The following SPIRE2 variants were observed in gnomAD, a reference collection of about 807,000 sequenced individuals.
The protein encoded by SPIRE2 is spire type actin nucleation factor 2, also known as protein spire homolog 2.
Under a neutral mutation model 80.7 loss-of-function variants are expected in SPIRE2, and 76 were observed. That is an observed-to-expected ratio of 0.94 (90% CI 0.78 to 1.14). SPIRE2 has a LOEUF of 1.14. Among genes scored for constraint, SPIRE2 ranks in the 50% most tolerant of loss-of-function variants. SPIRE2 has a pLI of 0.00. For missense variants in SPIRE2, 1,196 were observed against 1,015.3 expected (o/e 1.18, Z -2.42); for synonymous variants, 535 against 432.6 (o/e 1.24, Z -2.94).
chr16:89,849,180 T>A (rs146828339), intron 2 of SPIRE2, among the ~76,000 whole-genome samples: 336 of 152,328 alleles, frequency 2.2e-3, no homozygotes, highest in African/African-American at 7.4e-3. Context: ...GCAGGGCCAC[T>A]GAGGCAAAGC....
At chr16:89,859,842 G>C (rs2041727024) in intron 9 of SPIRE2, among the ~76,000 whole-genome samples, 1 of 152,126 alleles carries the variant, frequency 6.6e-6, no homozygotes, top group South Asian at 2.1e-4. Flanking sequence ...ACTTTACGGA[G>C]AGCCCTCGCG....
intron 9 of SPIRE2, among the ~76,000 whole-genome samples, chr16:89,860,144 G>C (rs2041729751): frequency 6.6e-6 from 1 of 152,320 alleles, no homozygotes; most frequent in Non-Finnish European, 1.5e-5. Context: ...GCTGCTGTGG[G>C]ACTGCCCATG....
At chr16:89,840,900 G>A (rs1003891400) in intron 1 of SPIRE2, among the ~76,000 whole-genome samples, 8 of 151,974 alleles carry the variant, frequency 5.3e-5, no homozygotes, top group Non-Finnish European at 1.0e-4. Context: ...GCCTCCCAAA[G>A]TGCTGGGATT....
rs1004591100 is a variant in SPIRE2, at chr16:89,828,591, C to CAGGGCGGCCGG, written c.44_54dup (p.Pro19GlyfsTer14). On this transcript the variant is annotated frameshift_variant, in exon 1 of 15. Transcript: ENST00000378247. LOFTEE classifies it high-confidence loss of function. The surrounding 1 kb of genome is among the most constrained non-coding windows in gnomAD (Gnocchi z 5.9). ...AGCTGCGGCGGCGCCGCGGCGGGCG[C>CAGGGCGGCCGG]AGGGCGGCCGGAGCCCTGGGAGCTG... 13 of 1,199,206 alleles carry CAGGGCGGCCGG rather than the reference C, an allele frequency of 1.1e-5. No individual in the cohort carries two copies. The highest frequency in any genetic ancestry group is 1.3e-5 in the Non-Finnish European group (13 of 966,052). The allele number at this position is 1,199,206 out of a possible 1,614,324, so 74.3% of individuals were successfully genotyped here.
intron 12 of SPIRE2, among the ~76,000 whole-genome samples, chr16:89,864,733 T>G (rs2143827612): frequency 6.6e-6 from 1 of 152,330 alleles, no homozygotes; most frequent in South Asian, 2.1e-4. Context: ...TAGGCCTGAC[T>G]GATACATCAT....
intron 1 of SPIRE2, among the ~76,000 whole-genome samples, chr16:89,840,525 G>A (rs1199168799): frequency 6.6e-6 from 1 of 150,838 alleles, no homozygotes; most frequent in Non-Finnish European, 1.5e-5. Context: ...CTGGATTACA[G>A]GCATGAGCCA....
chr16:89,869,053 A>AAAAAAAATATATATATAT, intron 13 of SPIRE2, among the ~76,000 whole-genome samples: 1 of 24,026 alleles, frequency 4.2e-5, no homozygotes, highest in South Asian at 1.9e-3. Flanking sequence ...AAAAAAAAAA[A>AAAAAAAATATATATATAT]ATATATATAT....
chr16:89,838,558 G>C (rs188762970), intron 1 of SPIRE2, among the ~76,000 whole-genome samples: 8 of 152,260 alleles, frequency 5.3e-5, no homozygotes, highest in Admixed American at 3.3e-4. Flanking sequence ...AGCACGGTGA[G>C]CCACGGAAGC....
chr16:89,861,031 G>A (rs532777554), intron 10 of SPIRE2, among the ~76,000 whole-genome samples: 21 of 152,122 alleles, frequency 1.4e-4, no homozygotes, highest in Non-Finnish European at 2.6e-4. Flanking sequence ...CTGCGGCCCC[G>A]GAGCCTGGTC....
At chr16:89,864,998 T>C (rs2041776692) in intron 12 of SPIRE2, among the ~76,000 whole-genome samples, 1 of 150,374 alleles carries the variant, frequency 6.7e-6, no homozygotes, top group African/African-American at 2.4e-5. Flanking sequence ...AAGTATACTT[T>C]TTTTCCTTTT....
chr16:89,835,017 C>T (rs1176230888), intron 1 of SPIRE2, among the ~76,000 whole-genome samples: 2 of 149,880 alleles, frequency 1.3e-5, no homozygotes, highest in African/African-American at 2.5e-5. Flanking sequence ...CCCGCACTCG[C>T]GGTTGGCCGT....
chr16:89,854,691 G>A (rs552321809), intron 5 of SPIRE2, 40 bp downstream of exon 5: 57 of 1,596,168 alleles, frequency 3.6e-5, no homozygotes, highest in South Asian at 1.5e-4. Context: ...TGGATGCAGA[G>A]GTCGTGGTGA....
intron 3 of SPIRE2, 92 bp downstream of exon 3, chr16:89,850,752 G>T (rs1385556251): frequency 7.2e-6 from 7 of 970,536 alleles, no homozygotes; most frequent in Non-Finnish European, 8.7e-6. Flanking sequence ...GTCTCTTCGT[G>T]GACAGAAAGT....
rs372693809 is a variant in SPIRE2 at position 89,868,278 on chromosome 16, G to C, written c.1806+62G>C. 235 of 1,544,856 alleles carry C rather than the reference G, an allele frequency of 1.5e-4. 2 individuals are homozygous for C. The highest frequency in any genetic ancestry group is 1.9e-4 in the Non-Finnish European group (213 of 1,118,292). ...GCAGATGAGGGGCTCCACTGGCTTT[G>C]ATTGGATGTGTTGGATGATGCTGCC... On this transcript the variant is annotated intron_variant, in intron 13 of 14. Transcript: ENST00000378247.
intron 2 of SPIRE2, chr16:89,846,382 T>G (rs1598223235): frequency 6.6e-6 from 1 of 151,636 alleles, no homozygotes; most frequent in Non-Finnish European, 1.5e-5. Flanking sequence ...ACTGCAGTGG[T>G]GCGATCTCAG....
chr16:89,836,153 C>T (rs1234031556), intron 1 of SPIRE2: 22 of 453,874 alleles, frequency 4.8e-5, no homozygotes, highest in Admixed American at 2.6e-4. Context: ...CCAGCCTGGG[C>T]GACACAGTGA....
At chr16:89,851,212 AGCGC>A (rs1272522455) in intron 3 of SPIRE2, among the ~76,000 whole-genome samples, 1 of 151,984 alleles carries the variant, frequency 6.6e-6, no homozygotes, top group Non-Finnish European at 1.5e-5. Context: ...ATCCTCTCCC[AGCGC>A]GCATTATTCT....
intron 6 of SPIRE2, 85 bp from the exon 7 acceptor site, chr16:89,856,028 C>A: frequency 1.3e-6 from 2 of 1,562,396 alleles, no homozygotes; most frequent in Admixed American, 1.8e-5. Flanking sequence ...ACTTCCCCAC[C>A]ACAGGTCCCG....
Position 89,838,553 on chromosome 16 carries a change from G to A in SPIRE2, c.245-6769G>A, listed in dbSNP as rs117973878. Among the ~76,000 whole-genome samples, 54 of 152,216 alleles carry A rather than the reference G, an allele frequency of 3.5e-4. No individual in the cohort carries two copies. The East Asian group carries it at 8.5e-3, about 24-fold the overall frequency. ...GAACCAGGGAAGCTCAGGGAAGCAC[G>A]GTGAGCCACGGAAGCCACACAGGCT... On this transcript the variant is annotated intron_variant, in intron 1 of 14. Coordinates refer to ENST00000378247, the MANE Select transcript of SPIRE2 (RefSeq NM_032451.2).
Sources: allele counts gnomAD v4.1 joint callset (sites outside exome capture counted in the v4.1 genomes callset), GRCh38; gene constraint gnomAD v4.1.1; non-coding constraint Gnocchi (gnomAD v3.1); transcripts MANE v1.5; gene names NCBI Gene and HGNC (gene_info 2026-07-23, HGNC 2026-07-21).